RNASEH1: variants seen among roughly 807,000 people sequenced by gnomAD.
RNASEH1 encodes the protein ribonuclease H type II.
RNASEH1 carries 27 observed loss-of-function variants against 34.6 expected under a neutral mutation model. That is an observed-to-expected ratio of 0.78 (90% CI 0.58 to 1.08). The LOEUF (loss-of-function observed/expected upper bound fraction) is 1.08. RNASEH1 is among the 50% of genes least tolerant of loss of function. The pLI is 0.00. For missense variants in RNASEH1, 349 were observed against 373.6 expected, an observed-to-expected ratio of 0.93 and a Z score of 0.54; for synonymous variants, 162 against 138.4, an observed-to-expected ratio of 1.17 and a Z score of -1.20.
the RNASEH1 span, among the ~76,000 whole-genome samples, chr2:3,535,413 T>C: frequency 7.3e-6 from 1 of 137,010 alleles, no homozygotes; most frequent in African/African-American, 2.9e-5. Context: ...CGTGACAGAG[T>C]GAGACTATCC....
chr2:3,538,106 T>C (rs1470914497), downstream of RNASEH1, among the ~76,000 whole-genome samples: 2 of 151,746 alleles, frequency 1.3e-5, no homozygotes, highest in African/African-American at 4.8e-5. Flanking sequence ...CCCAGCACTT[T>C]GGGAGGCCGA....
intron 5 of RNASEH1, 92 bp downstream of exon 5, chr2:3,548,966 A>G: frequency 9.6e-7 from 1 of 1,040,066 alleles, no homozygotes. Context: ...AATATCTTAT[A>G]TGTATAGGTA....
rs190433762 is a variant in RNASEH1, at chr2:3,542,096, G to C, written c.*3689C>G. Among the ~76,000 whole-genome samples, 221 of 152,294 alleles carry C rather than the reference G, an allele frequency of 1.5e-3. No homozygotes were observed. Among genetic ancestry groups the C allele is most frequent in the African/African-American group, 5.1e-3 (213 of 41,566 alleles). Reference sequence around the variant, plus strand: ...TTCAAGAGACAGTGGCAAACACTGAGAACAGCCAATTTAGATTTCAACATA... The same window carrying C: ...TTCAAGAGACAGTGGCAAACACTGACAACAGCCAATTTAGATTTCAACATA... On this transcript the variant is annotated 3_prime_UTR_variant, in exon 8 of 8. Coordinates refer to ENST00000315212, the MANE Select transcript of RNASEH1 (RefSeq NM_002936.6).
Position 3,542,701 on chromosome 2 carries a change from G to A in RNASEH1, c.*3084C>T, listed in dbSNP as rs1668400455. The stretch of plus-strand genomic sequence containing the variant: ...TGCTAAAGAGGAATAAAACAAGTGA[G>A]TGATTAAGGGATGGATATTCCATGC... On this transcript the variant is annotated 3_prime_UTR_variant, in exon 8 of 8. Transcript: ENST00000315212. Among the ~76,000 whole-genome samples the A allele has an allele frequency of 6.6e-6, 1 of 152,200 alleles. No individual in the cohort carries two copies. The highest frequency in any genetic ancestry group is 1.5e-5 in the Non-Finnish European group (1 of 68,032).
intron 1 of RNASEH1, chr2:3,557,916 T>C (rs1253652113): frequency 8.5e-6 from 13 of 1,525,428 alleles, no homozygotes; most frequent in Non-Finnish European, 1.1e-5. Flanking sequence ...GTTTCTGATA[T>C]TTCAAACAAG....
the RNASEH1 span, among the ~76,000 whole-genome samples, chr2:3,536,421 G>A: frequency 3.3e-5 from 5 of 152,254 alleles, no homozygotes; most frequent in South Asian, 4.1e-4. Flanking sequence ...CCACCCCTCC[G>A]AGTCCCCTCG....
At chr2:3,555,923 C>T (rs1276662734) in intron 2 of RNASEH1, among the ~76,000 whole-genome samples, 1 of 152,154 alleles carries the variant, frequency 6.6e-6, no homozygotes, top group Non-Finnish European at 1.5e-5. Context: ...GGAATCCTAA[C>T]ACTTTGGGAG....
intron 2 of RNASEH1, among the ~76,000 whole-genome samples, chr2:3,552,530 CACACCA>C (rs1396589939): frequency 1.7e-5 from 2 of 115,754 alleles, no homozygotes; most frequent in African/African-American, 6.9e-5. Flanking sequence ...CCACCCCCTC[CACACCA>C]CCTCCACCCC....
chr2:3,546,109 ATGT>A (rs1217349014), intron 7 of RNASEH1, among the ~76,000 whole-genome samples: 1 of 152,258 alleles, frequency 6.6e-6, no homozygotes, highest in African/African-American at 2.4e-5. Context: ...TTTACCGTTC[ATGT>A]TGCTATTTCC....
chr2:3,542,944 G>A lies in RNASEH1; in HGVS notation c.*2841C>T. Among the ~76,000 whole-genome samples the A allele has an allele frequency of 6.6e-6, 1 of 152,156 alleles. No homozygotes were observed. Among genetic ancestry groups the A allele is most frequent in the East Asian group, 1.9e-4 (1 of 5,200 alleles). ...ATAATGACCAACGCAATAGCAATGAGCATCCTAAACTGGATCTGAAATACC... is the reference window on the plus strand; with the variant it reads ...ATAATGACCAACGCAATAGCAATGAACATCCTAAACTGGATCTGAAATACC... On this transcript the variant is annotated 3_prime_UTR_variant, in exon 8 of 8. Transcript: ENST00000315212.
At chr2:3,533,758 CCT>C in the RNASEH1 span, 1 of 152,322 alleles carries the variant, frequency 6.6e-6, no homozygotes, top group Non-Finnish European at 1.5e-5. Context: ...GGGGCACTCC[CCT>C]GTTCACAGCA....
At chr2:3,553,203 G>A (rs1324133725) in intron 2 of RNASEH1, among the ~76,000 whole-genome samples, 5 of 151,558 alleles carry the variant, frequency 3.3e-5, no homozygotes, top group Admixed American at 2.6e-4. Context: ...AGCGGAGATC[G>A]CGCCACTGCA....
In RNASEH1 at chr2:3,552,255, G is replaced by C. The variant is rs199761578; in HGVS notation, c.298C>G (p.Arg100Gly). Residue 100 changes from arginine (R) to glycine (G), a missense_variant, in exon 3 of 8, where the codon CGT becomes GGT. Arg to Gly is a moderately radical substitution (Grantham distance 125). This residue lies in a region of RNASEH1 where 256 missense variants were observed against 240.7 expected (regional missense o/e 1.06). Transcript: ENST00000315212. ...TGTCCATCTCCATCCAGTGGCTCAC[G>C]GAGTCGCTTGCTGGCTTTCGCCTCC... ...ESEAKASKRL[R>G]EPLDGDGHES... The C allele has an allele frequency of 6.2e-7, 1 of 1,613,968 alleles. No individual in the cohort carries two copies. The highest frequency in any genetic ancestry group is 8.5e-7 in the Non-Finnish European group (1 of 1,179,974).
chr2:3,550,680 A>C (rs1223493986), intron 3 of RNASEH1, among the ~76,000 whole-genome samples: 1 of 152,228 alleles, frequency 6.6e-6, no homozygotes, highest in Admixed American at 6.5e-5. Flanking sequence ...TTGATCTTGC[A>C]GGCCAGGCAA....
intron 1 of RNASEH1, chr2:3,557,777 TG>T: frequency 1.1e-6 from 1 of 905,878 alleles, no homozygotes; most frequent in Non-Finnish European, 1.6e-6. Flanking sequence ...CCAATTTAGC[TG>T]GTACGGAAAG....
intron 4 of RNASEH1, among the ~76,000 whole-genome samples, chr2:3,549,729 G>A (rs1173774427): frequency 2.6e-5 from 4 of 151,548 alleles, no homozygotes; most frequent in Admixed American, 6.6e-5. Flanking sequence ...GGCGGATCAC[G>A]AGGTCAGAAG....
intron 7 of RNASEH1, among the ~76,000 whole-genome samples, chr2:3,547,158 C>A (rs914081864): frequency 3.0e-4 from 45 of 152,032 alleles, no homozygotes; most frequent in African/African-American, 1.1e-3. Context: ...GGAAAATAAT[C>A]AAATTTGTGT....
intron 1 of RNASEH1, among the ~76,000 whole-genome samples, chr2:3,557,271 T>C (rs1452767666): frequency 1.3e-5 from 2 of 152,190 alleles, no homozygotes; most frequent in Non-Finnish European, 2.9e-5. Flanking sequence ...GCAAACTGGA[T>C]ATAGAGGACC....
intron 4 of RNASEH1, among the ~76,000 whole-genome samples, chr2:3,549,377 G>C (rs1288453849): frequency 1.3e-5 from 2 of 152,206 alleles, no homozygotes; most frequent in East Asian, 3.8e-4. Flanking sequence ...GGCTGCAGCA[G>C]AAAGAATCCC....
Sources: allele counts gnomAD v4.1 joint callset (sites outside exome capture counted in the v4.1 genomes callset), GRCh38; gene constraint gnomAD v4.1.1; regional missense constraint gnomAD v4.1.1; transcripts MANE v1.5; gene names NCBI Gene and HGNC (gene_info 2026-07-23, HGNC 2026-07-21).